PRIM2: variants seen among roughly 807,000 people sequenced by gnomAD.
The protein encoded by PRIM2 is DNA primase subunit 2.
PRIM2 carries 39 observed loss-of-function variants against 67.3 expected under a neutral mutation model. That is an observed-to-expected ratio of 0.58 (90% CI 0.45 to 0.76). PRIM2 has a LOEUF of 0.76. PRIM2 is among the 30% of genes least tolerant of loss of function. PRIM2 has a pLI of 0.00. For synonymous variants in PRIM2, 143 were observed against 198.7 expected (o/e 0.72, Z 2.36); for missense variants, 398 against 598.7 (o/e 0.66, Z 3.50).
At chr6:57,242,966 C>T in the PRIM2 span, among the ~76,000 whole-genome samples, 1 of 152,174 alleles carries the variant, frequency 6.6e-6, no homozygotes, top group East Asian at 1.9e-4. Context: ...TGTAGTATTA[C>T]TTGTTCCATA....
intron 10 of PRIM2, among the ~76,000 whole-genome samples, chr6:57,572,977 C>G (rs1194619188): frequency 1.3e-5 from 2 of 152,140 alleles, no homozygotes; most frequent in East Asian, 3.9e-4. Context: ...GGTTTTTGCT[C>G]TGTCTCCCAG....
At chr6:57,274,943 A>ATT in the PRIM2 span, among the ~76,000 whole-genome samples, 103 of 137,380 alleles carry the variant, frequency 7.5e-4, no homozygotes, top group African/African-American at 2.3e-3. Context: ...CACCTGGCTA[A>ATT]TTTTTTTTTT....
At chr6:57,262,038 C>T in the PRIM2 span, among the ~76,000 whole-genome samples, 10 of 152,298 alleles carry the variant, frequency 6.6e-5, no homozygotes, top group East Asian at 1.9e-3. Flanking sequence ...GTATCCTGAC[C>T]TACTGTGTTC....
intron 7 of PRIM2, among the ~76,000 whole-genome samples, chr6:57,506,254 A>G (rs1261769997): frequency 6.6e-6 from 1 of 152,062 alleles, no homozygotes; most frequent in Admixed American, 6.6e-5. Context: ...CTCTTGTACA[A>G]AATTGGGAAA....
At chr6:57,344,587 T>C (rs1768607991) in intron 5 of PRIM2, among the ~76,000 whole-genome samples, 1 of 152,252 alleles carries the variant, frequency 6.6e-6, no homozygotes, top group Non-Finnish European at 1.5e-5. Flanking sequence ...AATACTTTTG[T>C]TCTCATAGTG....
rs1454521144 is a variant in PRIM2, at chr6:57,605,808, G to C, written c.1148-567G>C. Among the ~76,000 whole-genome samples the C allele has an allele frequency of 1.4e-3, 212 of 152,040 alleles. 5 individuals carry two copies. The East Asian group carries it at 0.019, about 14-fold the overall frequency. On this transcript the variant is annotated intron_variant, in intron 11 of 13. Transcript: ENST00000615550. ...TAGAGATGACACATATCCACCGTAA[G>C]TTGTTTTTCTATGAAATAGTTTATT... is the stretch of plus-strand genomic sequence containing the variant.
intron 7 of PRIM2, among the ~76,000 whole-genome samples, chr6:57,429,469 A>G (rs1376796827): frequency 1.3e-5 from 2 of 152,194 alleles, no homozygotes; most frequent in Non-Finnish European, 2.9e-5. Flanking sequence ...GTCAAGGCCC[A>G]GTCAGAAAGA....
intron 5 of PRIM2, among the ~76,000 whole-genome samples, chr6:57,337,397 C>T (rs532387766): frequency 2.6e-5 from 4 of 151,976 alleles, no homozygotes; most frequent in South Asian, 2.1e-4. Flanking sequence ...CCCAAATCAA[C>T]AGAATATACA....
the PRIM2 span, among the ~76,000 whole-genome samples, chr6:57,302,891 T>C: frequency 1.3e-5 from 2 of 152,222 alleles, no homozygotes; most frequent in Non-Finnish European, 2.9e-5. Context: ...GGTGCATTTA[T>C]TCTATGAGTT....
In PRIM2 at chr6:57,541,692, G is replaced by A. The variant is rs1330927397; in HGVS notation, c.1020+4067G>A. Among the ~76,000 whole-genome samples, 4 of 152,242 alleles carry A rather than the reference G, an allele frequency of 2.6e-5. No individual in the cohort carries two copies. The South Asian group carries it at 8.3e-4, about 32-fold the overall frequency. On this transcript the variant is annotated intron_variant, in intron 10 of 13. Coordinates refer to ENST00000615550, the MANE Select transcript of PRIM2 (RefSeq NM_000947.5). The stretch of plus-strand genomic sequence containing the variant: ...CAACAGCTTTGAGACCCAGGAAGAG[G>A]CAATGTTTCAGTTTAAAAAATGAGG...
chr6:57,458,374 T>A (rs1300595569), intron 7 of PRIM2, among the ~76,000 whole-genome samples: 1 of 152,166 alleles, frequency 6.6e-6, no homozygotes, highest in Admixed American at 6.5e-5. Flanking sequence ...AATTCTTCCA[T>A]ATGCCCTGGA....
intron 13 of PRIM2, among the ~76,000 whole-genome samples, chr6:57,642,043 A>G (rs1777245833): frequency 6.6e-6 from 1 of 152,258 alleles, no homozygotes; most frequent in African/African-American, 2.4e-5. Flanking sequence ...ATGGAATACT[A>G]TGAAGCCATT....
At chr6:57,632,366 C>T (rs1777050703) in intron 13 of PRIM2, among the ~76,000 whole-genome samples, 165 bp downstream of exon 13, 1 of 152,046 alleles carries the variant, frequency 6.6e-6, no homozygotes, top group African/African-American at 2.4e-5. Flanking sequence ...GACCAGACAA[C>T]TAAGCTTGGA....
chr6:57,529,955 G>A (rs1416756390), intron 8 of PRIM2, among the ~76,000 whole-genome samples: 3 of 151,982 alleles, frequency 2.0e-5, no homozygotes, highest in Non-Finnish European at 4.4e-5. Flanking sequence ...GTGGTGTAGG[G>A]TATCACATGG....
At chr6:57,579,948 G>T (rs1318971381) in intron 10 of PRIM2, among the ~76,000 whole-genome samples, 1 of 151,908 alleles carries the variant, frequency 6.6e-6, no homozygotes. Context: ...CTAATATAAG[G>T]CAATTCTAAA....
At chr6:57,276,462 T>C in the PRIM2 span, among the ~76,000 whole-genome samples, 1 of 146,818 alleles carries the variant, frequency 6.8e-6, no homozygotes, top group Non-Finnish European at 1.5e-5. Context: ...TATATATATA[T>C]ACATGCATAC....
intron 7 of PRIM2, among the ~76,000 whole-genome samples, chr6:57,414,444 A>G (rs1771193539): frequency 6.6e-6 from 1 of 152,166 alleles, no homozygotes; most frequent in Non-Finnish European, 1.5e-5. Context: ...TATAAAATAG[A>G]AACCTTTAAA....
intron 10 of PRIM2, among the ~76,000 whole-genome samples, chr6:57,592,595 G>T (rs1776300581): frequency 6.6e-6 from 1 of 152,104 alleles, no homozygotes; most frequent in South Asian, 2.1e-4. Context: ...AAGAGTTCGA[G>T]ACCAGCCTGG....
intron 12 of PRIM2, among the ~76,000 whole-genome samples, chr6:57,609,597 T>C (rs1776628521): frequency 1.3e-5 from 2 of 152,358 alleles, no homozygotes; most frequent in South Asian, 4.1e-4. Context: ...TGTATACTCT[T>C]TGCTTTTGAC....
Sources: gnomAD v4.1 joint callset for allele counts (sites outside exome capture counted in the v4.1 genomes callset) on GRCh38, gnomAD v4.1.1 for gene constraint, MANE v1.5 for transcripts, NCBI Gene and HGNC (gene_info 2026-07-23, HGNC 2026-07-21) for gene names.